The following FAM53A variants were observed in gnomAD, a reference collection of about 807,000 sequenced individuals.
The protein encoded by FAM53A is family with sequence similarity 53 member A.
Under a neutral mutation model 26.6 loss-of-function variants are expected in FAM53A, and 28 were observed. The observed-to-expected ratio is 1.05, with a 90% CI of 0.78 to 1.45. The LOEUF (loss-of-function observed/expected upper bound fraction) is 1.45, where lower values mean the gene tolerates loss of function less well. Ranked by LOEUF, FAM53A falls within the 40% of genes most tolerant of loss-of-function variation. The probability of loss-of-function intolerance (pLI) is 0.00; values close to 1 mark genes in which losing one functional copy is unlikely to be tolerated. For synonymous variants in FAM53A, 290 were observed against 253.1 expected (o/e 1.15, Z -1.38); for missense variants, 650 against 575.8 (o/e 1.13, Z -1.32).
intron 2 of FAM53A, among the ~76,000 whole-genome samples, chr4:1,661,889 C>G (rs1373339459): frequency 6.6e-6 from 1 of 152,180 alleles, no homozygotes. Flanking sequence ...CGGAGCACCT[C>G]TTGGTGGCGC....
chr4:1,634,285 G>A (rs1028816995), intron 1 of FAM53A, among the ~76,000 whole-genome samples: 1 of 152,216 alleles, frequency 6.6e-6, no homozygotes, highest in Admixed American at 6.5e-5. Context: ...GAGGGAAGAG[G>A]TCTCTGCTGA....
the FAM53A span, among the ~76,000 whole-genome samples, chr4:1,598,255 C>T: frequency 1.1e-4 from 17 of 152,220 alleles, no homozygotes; most frequent in African/African-American, 3.6e-4. Flanking sequence ...GAAGGCACAG[C>T]GGACTGCCTG....
the FAM53A span, among the ~76,000 whole-genome samples, chr4:1,583,557 T>C: frequency 6.6e-6 from 1 of 152,254 alleles, no homozygotes; most frequent in African/African-American, 2.4e-5. Context: ...ACGTCTCATG[T>C]GCAGCTCCGG....
chr4:1,680,319 CAAA>C (rs143458191), intron 1 of FAM53A, among the ~76,000 whole-genome samples: 46 of 82,690 alleles, frequency 5.6e-4, no homozygotes, highest in African/African-American at 2.3e-3. Context: ...AACTCCGTCT[CAAA>C]AAAAAAAAAA....
chr4:1,644,440 A>C, intron 4 of FAM53A: 2 of 1,401,788 alleles, frequency 1.4e-6, no homozygotes, highest in Non-Finnish European at 1.9e-6. Context: ...TGTACAGCTC[A>C]GCGCCCAACA....
At chr4:1,607,163 CAT>C in the FAM53A span, among the ~76,000 whole-genome samples, 1 of 152,166 alleles carries the variant, frequency 6.6e-6, no homozygotes, top group African/African-American at 2.4e-5. Flanking sequence ...GGATTACAGG[CAT>C]GCGCCACCAC....
downstream of FAM53A, among the ~76,000 whole-genome samples, chr4:1,635,004 T>C (rs534902146): frequency 1.2e-4 from 19 of 152,348 alleles, no homozygotes; most frequent in Admixed American, 1.1e-3. Context: ...CAGGACTATT[T>C]ACAGGTTCTC....
chr4:1,598,059 G>A, the FAM53A span, among the ~76,000 whole-genome samples: 2 of 152,234 alleles, frequency 1.3e-5, no homozygotes, highest in African/African-American at 4.8e-5. Flanking sequence ...AGAAACACCT[G>A]GAAGGTGCCC....
chr4:1,580,097 C>T, the FAM53A span: 10 of 152,292 alleles, frequency 6.6e-5, no homozygotes, highest in African/African-American at 2.4e-4. Flanking sequence ...AATGTTCCTC[C>T]AGTACTTTCA....
chr4:1,652,873 C>G (rs949549617), intron 4 of FAM53A, among the ~76,000 whole-genome samples: 2 of 148,202 alleles, frequency 1.3e-5, no homozygotes, highest in African/African-American at 5.0e-5. Flanking sequence ...CACCACACAC[C>G]AAACACCACA....
At chr4:1,594,461 C>T in the FAM53A span, among the ~76,000 whole-genome samples, 8 of 152,162 alleles carry the variant, frequency 5.3e-5, no homozygotes, top group African/African-American at 1.9e-4. Context: ...AAGGCACCCC[C>T]CACGGTGGGG....
At chr4:1,680,329 A>AAAC (rs1715341490) in intron 1 of FAM53A, among the ~76,000 whole-genome samples, 4 of 148,216 alleles carry the variant, frequency 2.7e-5, no homozygotes, top group South Asian at 4.2e-4. Context: ...CAAAAAAAAA[A>AAAC]AAAAAAAAAA....
intron 1 of FAM53A, among the ~76,000 whole-genome samples, chr4:1,624,978 CA>C (rs1348779402): frequency 4.9e-5 from 7 of 143,160 alleles, no homozygotes; most frequent in East Asian, 2.1e-4. Flanking sequence ...CCCACGTGGT[CA>C]GGGGTCACAC....
At chr4:1,611,659 G>A in the FAM53A span, among the ~76,000 whole-genome samples, 4,283 of 152,320 alleles carry the variant, frequency 0.028, 222 homozygotes, top group African/African-American at 0.098. Context: ...AGGCGCCTCC[G>A]TGGGGGCCCT....
chr4:1,580,108 C>T, the FAM53A span: 1 of 152,310 alleles, frequency 6.6e-6, no homozygotes, highest in Non-Finnish European at 1.5e-5. Flanking sequence ...AGTACTTTCA[C>T]ATTTGTTGAT....
chr4:1,591,341 GC>G, the FAM53A span, among the ~76,000 whole-genome samples: 4 of 152,026 alleles, frequency 2.6e-5, no homozygotes, highest in Admixed American at 2.6e-4. Context: ...CTGCAGGCTG[GC>G]CCCCCTCTGG....
chr4:1,667,850 C>T (rs1406742544), intron 2 of FAM53A, among the ~76,000 whole-genome samples: 1 of 152,202 alleles, frequency 6.6e-6, no homozygotes, highest in Non-Finnish European at 1.5e-5. Flanking sequence ...CAGCCACCTC[C>T]TTCTGGATCT....
At chr4:1,672,920 C>G (rs1025519437) in intron 1 of FAM53A, among the ~76,000 whole-genome samples, 1 of 152,046 alleles carries the variant, frequency 6.6e-6, no homozygotes, top group Non-Finnish European at 1.5e-5. Context: ...CAGGCACACA[C>G]TACCACACCC....
At chr4:1,579,742 C>A in the FAM53A span, among the ~76,000 whole-genome samples, 1 of 152,208 alleles carries the variant, frequency 6.6e-6, no homozygotes, top group Non-Finnish European at 1.5e-5. Context: ...CCCAGGGCGC[C>A]TCCCGCCACG....
Sources: allele counts gnomAD v4.1 joint callset (sites outside exome capture counted in the v4.1 genomes callset), GRCh38; gene constraint gnomAD v4.1.1; transcripts MANE v1.5; gene names NCBI Gene and HGNC (gene_info 2026-07-23, HGNC 2026-07-21).